Variants in LGSN observed in about 807,000 individuals in gnomAD.
The protein encoded by LGSN is lengsin, lens protein with glutamine synthetase domain.
A neutral mutation model predicts 19.5 loss-of-function variants in LGSN; 21 were observed. That is an observed-to-expected ratio of 1.07 (90% confidence interval 0.76 to 1.55). The LOEUF is 1.55. Ranked by LOEUF, LGSN falls within the 40% of genes most tolerant of loss-of-function variation. The pLI, the probability that LGSN is intolerant of heterozygous loss-of-function variation, is 0.00. For missense variants in LGSN, 673 were observed against 608.5 expected (o/e 1.11, Z -1.12); for synonymous variants, 257 against 215.6 (o/e 1.19, Z -1.68).
chr6:63,365,745 A>C, the LGSN span, among the ~76,000 whole-genome samples: 1 of 152,210 alleles, frequency 6.6e-6, no homozygotes, highest in Non-Finnish European at 1.5e-5. Flanking sequence ...CACCACAATT[A>C]AGTTGGCTTC....
At chr6:63,328,541 A>G in the LGSN span, among the ~76,000 whole-genome samples, 3 of 152,174 alleles carry the variant, frequency 2.0e-5, no homozygotes, top group African/African-American at 7.2e-5. Context: ...AGCCTCTGAC[A>G]CTAAGATGGC....
At chr6:63,514,935 T>C in the LGSN span, among the ~76,000 whole-genome samples, 2 of 151,896 alleles carry the variant, frequency 1.3e-5, no homozygotes, top group African/African-American at 4.8e-5. Flanking sequence ...AACTCCTGGA[T>C]GAAAGGGTAC....
the LGSN span, among the ~76,000 whole-genome samples, chr6:63,468,442 T>C: frequency 1.3e-5 from 2 of 151,900 alleles, no homozygotes; most frequent in African/African-American, 4.8e-5. Context: ...TATGTATTTA[T>C]TTTGAGACAG....
the LGSN span, among the ~76,000 whole-genome samples, chr6:63,435,303 G>A: frequency 6.6e-6 from 1 of 152,218 alleles, no homozygotes; most frequent in African/African-American, 2.4e-5. Flanking sequence ...CTTAAGGACA[G>A]AGAAAATTGA....
chr6:63,298,573 C>T (rs923861070), intron 1 of LGSN, among the ~76,000 whole-genome samples: 5 of 152,008 alleles, frequency 3.3e-5, no homozygotes, highest in Admixed American at 1.3e-4. Context: ...GATGTGAGAG[C>T]CAAAACCAAT....
chr6:63,541,094 G>A, the LGSN span, among the ~76,000 whole-genome samples: 1 of 152,034 alleles, frequency 6.6e-6, no homozygotes, highest in African/African-American at 2.4e-5. Context: ...AATGAATAGT[G>A]TGCCCTAAAC....
the LGSN span, among the ~76,000 whole-genome samples, chr6:63,475,070 CCA>C: frequency 3.3e-5 from 5 of 151,932 alleles, no homozygotes; most frequent in African/African-American, 1.2e-4. Context: ...ATAAAACAAA[CCA>C]CTGTAAGAAC....
the LGSN span, among the ~76,000 whole-genome samples, chr6:63,541,326 G>A: frequency 1.3e-5 from 2 of 152,136 alleles, no homozygotes; most frequent in South Asian, 2.1e-4. Context: ...AGGTCAAGGC[G>A]GGTGGATCAT....
the LGSN span, among the ~76,000 whole-genome samples, chr6:63,484,189 T>TTCATGCA: frequency 6.6e-6 from 1 of 151,398 alleles, no homozygotes; most frequent in Non-Finnish European, 1.5e-5. Flanking sequence ...GCACCACCAA[T>TTCATGCA]CCATCCTAAA....
the LGSN span, among the ~76,000 whole-genome samples, chr6:63,435,908 TAAAAAA>T: frequency 5.1e-5 from 7 of 138,336 alleles, no homozygotes; most frequent in South Asian, 2.2e-4. Flanking sequence ...TCATCCAAAT[TAAAAAA>T]AAAAAAAAAA....
intron 1 of LGSN, among the ~76,000 whole-genome samples, chr6:63,298,175 T>G (rs182518731): frequency 2.6e-5 from 4 of 152,316 alleles, no homozygotes; most frequent in African/African-American, 7.2e-5. Flanking sequence ...CCAGGAGCAC[T>G]GAGTGATTAA....
chr6:63,559,715 A>G, the LGSN span, among the ~76,000 whole-genome samples: 1 of 152,118 alleles, frequency 6.6e-6, no homozygotes, highest in Non-Finnish European at 1.5e-5. Flanking sequence ...ACTGCACTCC[A>G]GCCTGGGTGA....
chr6:63,561,648 G>A, the LGSN span, among the ~76,000 whole-genome samples: 63 of 152,206 alleles, frequency 4.1e-4, no homozygotes, highest in African/African-American at 1.5e-3. Flanking sequence ...GTCACCTTGG[G>A]TTTTAGATGT....
chr6:63,414,786 G>A, the LGSN span, among the ~76,000 whole-genome samples: 1 of 152,200 alleles, frequency 6.6e-6, no homozygotes, highest in East Asian at 1.9e-4. Context: ...GTGGTGGTGT[G>A]GGCCTGTAGT....
chr6:63,508,926 GA>G, the LGSN span, among the ~76,000 whole-genome samples: 154 of 117,870 alleles, frequency 1.3e-3, no homozygotes, highest in East Asian at 2.6e-3. Flanking sequence ...TCTCAAAAAA[GA>G]AAAAAAAAAA....
chr6:63,480,954 T>TACAC, the LGSN span, among the ~76,000 whole-genome samples: 1 of 121,006 alleles, frequency 8.3e-6, no homozygotes, highest in African/African-American at 4.3e-5. Flanking sequence ...TATATATATA[T>TACAC]ATATATATAT....
the LGSN span, among the ~76,000 whole-genome samples, chr6:63,422,815 A>G: frequency 6.6e-6 from 1 of 152,184 alleles, no homozygotes; most frequent in African/African-American, 2.4e-5. Flanking sequence ...AAAAACAGAA[A>G]GTACAAACAG....
chr6:63,428,846 G>A, the LGSN span, among the ~76,000 whole-genome samples: 1 of 152,134 alleles, frequency 6.6e-6, no homozygotes, highest in Admixed American at 6.5e-5. Flanking sequence ...CTCATAAGAT[G>A]AAATTTTCTC....
At chr6:63,493,059 C>T in the LGSN span, among the ~76,000 whole-genome samples, 1 of 152,118 alleles carries the variant, frequency 6.6e-6, no homozygotes, top group African/African-American at 2.4e-5. Flanking sequence ...TCTTATTGCC[C>T]CCTCTTTCCT....
Sources: allele counts gnomAD v4.1 joint callset (sites outside exome capture counted in the v4.1 genomes callset), GRCh38; gene constraint gnomAD v4.1.1; transcripts MANE v1.5; gene names NCBI Gene and HGNC (gene_info 2026-07-23, HGNC 2026-07-21).